Variants in RADX observed in about 807,000 individuals in gnomAD.
RADX encodes the protein RPA1 related single stranded DNA binding protein, X-linked.
In RADX, 36 loss-of-function variants were observed where a neutral mutation model predicts 61.6. The ratio of observed to expected loss-of-function variants is 0.58; its 90% CI spans 0.45 to 0.77. The LOEUF (loss-of-function observed/expected upper bound fraction) is 0.77, where lower values mean the gene tolerates loss of function less well. Ranked by LOEUF, RADX falls within the 30% of genes least tolerant of loss-of-function variation. The pLI is 0.00. For synonymous variants in RADX, 272 were observed against 237.9 expected (o/e 1.14, Z -1.32); for missense variants, 497 against 651.1 (o/e 0.76, Z 2.58).
chrX:106,631,531 C>G (rs1197663203), intron 3 of RADX, among the ~76,000 whole-genome samples: 1 of 107,329 alleles, frequency 9.3e-6, no homozygotes, highest in Non-Finnish European at 1.9e-5. Flanking sequence ...AACATAAGAC[C>G]CCCCCATCTC....
intron 12 of RADX, among the ~76,000 whole-genome samples, chrX:106,664,570 T>C (rs1928182007): frequency 9.0e-6 from 1 of 111,707 alleles, no homozygotes; most frequent in Admixed American, 9.6e-5. Context: ...TAATAAAGCA[T>C]TTCTATAAAG....
Position 106,678,162 on chromosome X carries a change from A to G in RADX, c.2472A>G (p.Arg824=), listed in dbSNP as rs1345230550. The change falls in exon 14 of 14, where the codon AGA becomes AGG. Residue 824 remains arginine, a synonymous_variant. Transcript: ENST00000372548. ...TAAAAGCAGCAACTGAACTGGATAG[A>G]GTGCATATCGTCGGTATCTTGGATA... ...DIIKAATELD[R]VHIVGILDIC... is the part of the protein sequence containing the mutation. 3 of 1,178,072 alleles carry G rather than the reference A, an allele frequency of 2.5e-6. No homozygotes were observed. The East Asian group carries it at 8.9e-5, about 35-fold the overall frequency.
At chrX:106,666,788 G>T (rs1928238632) in intron 12 of RADX, among the ~76,000 whole-genome samples, 1 of 111,922 alleles carries the variant, frequency 8.9e-6, no homozygotes, top group South Asian at 3.7e-4. Flanking sequence ...ATCTAGAAAA[G>T]ATTATTTTAA....
intron 11 of RADX, among the ~76,000 whole-genome samples, chrX:106,652,695 G>GCACACA (rs112557092): frequency 0.013 from 1,241 of 96,975 alleles, 10 homozygotes; most frequent in South Asian, 0.027. Flanking sequence ...ATCATTAAAT[G>GCACACA]CACACACACA....
intron 6 of RADX, among the ~76,000 whole-genome samples, chrX:106,636,227 A>G (rs762858677): frequency 9.9e-5 from 11 of 111,465 alleles, no homozygotes; most frequent in Non-Finnish European, 1.9e-4. Flanking sequence ...GCAACAAACA[A>G]ATGACTTTAG....
At chrX:106,667,300 T>C (rs961835006) in intron 12 of RADX, among the ~76,000 whole-genome samples, 6 of 111,114 alleles carry the variant, frequency 5.4e-5, no homozygotes, top group African/African-American at 1.6e-4. Context: ...CTTTGAACTC[T>C]AGTGGTTTGT....
At chrX:106,656,677 C>T (rs1327475445) in intron 11 of RADX, among the ~76,000 whole-genome samples, 1 of 111,751 alleles carries the variant, frequency 8.9e-6, no homozygotes, top group East Asian at 2.8e-4. Flanking sequence ...CGTCAGAGCT[C>T]CTGGTCATCA....
At chrX:106,652,723 A>G (rs1056394918) in intron 11 of RADX, among the ~76,000 whole-genome samples, 3 of 108,063 alleles carry the variant, frequency 2.8e-5, no homozygotes, top group East Asian at 2.9e-4. Flanking sequence ...ACACACACAC[A>G]CGCCACTGAA....
intron 10 of RADX, among the ~76,000 whole-genome samples, chrX:106,644,543 C>T (rs1194303621): frequency 3.6e-5 from 4 of 111,080 alleles, no homozygotes; most frequent in Non-Finnish European, 7.6e-5. Flanking sequence ...TGGTTTTGAT[C>T]CTTTTTTCTG....
intron 10 of RADX, among the ~76,000 whole-genome samples, chrX:106,641,591 A>C (rs1927515435): frequency 9.0e-6 from 1 of 111,258 alleles, no homozygotes; most frequent in Non-Finnish European, 1.9e-5. Flanking sequence ...GCAACTCCAA[A>C]ACCTAGCAAG....
Position 106,669,164 on chromosome X carries a change from T to A in RADX, c.2271T>A (p.Gly757=). The part of the protein sequence containing the change: ...SLGHFEVTIL[G]LNHEIAIDVA... ...TAATGTGTGAACTTTCTTTAACAGGTCTGAACCATGAGATAGCAATCGATG... is the reference window on the plus strand; with the variant it reads ...TAATGTGTGAACTTTCTTTAACAGGACTGAACCATGAGATAGCAATCGATG... The change falls in exon 13 of 14, where the codon GGT becomes GGA. Residue 757 remains glycine, a splice_region_variant and synonymous_variant. Transcript: ENST00000372548. 2 of 1,204,606 alleles carry A rather than the reference T, an allele frequency of 1.7e-6. No individual in the cohort carries two copies. The highest frequency in any genetic ancestry group is 2.2e-6 in the Non-Finnish European group (2 of 889,659).
chrX:106,614,914 C>T (rs749714997), intron 1 of RADX, among the ~76,000 whole-genome samples: 1 of 111,474 alleles, frequency 9.0e-6, no homozygotes, highest in African/African-American at 3.3e-5. Flanking sequence ...ACCTGTGTAA[C>T]CATCACCCCC....
At chrX:106,659,630 C>A (rs188556353) in intron 11 of RADX, among the ~76,000 whole-genome samples, 37 of 110,699 alleles carry the variant, frequency 3.3e-4, no homozygotes, top group Admixed American at 1.7e-3. Context: ...TTAGAAAAAC[C>A]TGAGCTCTAG....
chrX:106,676,959 C>T (rs1353941648), intron 13 of RADX, among the ~76,000 whole-genome samples: 2 of 111,923 alleles, frequency 1.8e-5, no homozygotes, highest in African/African-American at 6.5e-5. Context: ...TATCTTTTCT[C>T]AGCTTCTTCC....
At chrX:106,651,220 A>AT (rs1045213222) in intron 11 of RADX, among the ~76,000 whole-genome samples, 2 of 111,370 alleles carry the variant, frequency 1.8e-5, no homozygotes, top group Non-Finnish European at 3.8e-5. Flanking sequence ...ACTACCAGAG[A>AT]TAAAAAAAAG....
chrX:106,623,421 A>T (rs1256196098), intron 2 of RADX, among the ~76,000 whole-genome samples: 2 of 111,503 alleles, frequency 1.8e-5, no homozygotes, highest in East Asian at 2.8e-4. Context: ...CTTTCCCATG[A>T]TATCAAGAAC....
At chrX:106,673,422 T>A (rs1181242574) in intron 13 of RADX, among the ~76,000 whole-genome samples, 1 of 110,496 alleles carries the variant, frequency 9.1e-6, no homozygotes, top group Non-Finnish European at 1.9e-5. Context: ...AGAAATAACA[T>A]CTGGGAGCTA....
chrX:106,623,389 TCTTA>T (rs916840461), intron 2 of RADX, among the ~76,000 whole-genome samples: 2 of 111,919 alleles, frequency 1.8e-5, no homozygotes, highest in African/African-American at 6.5e-5. Flanking sequence ...TCTATTTTTT[TCTTA>T]CTTAATATTA....
chrX:106,630,657 G>T (rs1927194180), intron 3 of RADX, among the ~76,000 whole-genome samples: 1 of 110,954 alleles, frequency 9.0e-6, no homozygotes, highest in Non-Finnish European at 1.9e-5. Context: ...CCAAACTAAT[G>T]CAGGAACAAA....
Sources: gnomAD v4.1 joint callset for allele counts (sites outside exome capture counted in the v4.1 genomes callset) on GRCh38, gnomAD v4.1.1 for gene constraint, MANE v1.5 for transcripts, NCBI Gene and HGNC (gene_info 2026-07-23, HGNC 2026-07-21) for gene names.